Variants in UTP15 observed in about 807,000 individuals in gnomAD.
UTP15 encodes UTP15 small subunit processome component.
Under a neutral mutation model 59.1 loss-of-function variants are expected in UTP15, and 5 were observed. The observed-to-expected ratio is 0.08, with a 90% CI of 0.04 to 0.18. The LOEUF (loss-of-function observed/expected upper bound fraction) is 0.18. UTP15 is among the 10% of genes least tolerant of loss of function. UTP15 has a pLI of 1.00. For missense variants in UTP15, 494 were observed against 616.7 expected, an observed-to-expected ratio of 0.80 and a Z score of 2.11; for synonymous variants, 211 against 212.2, an observed-to-expected ratio of 0.99 and a Z score of 0.05.
At position 73,570,653 on chromosome 5, in the gene UTP15, T is replaced by C. The variant is rs1469153886; in HGVS notation, c.615T>C (p.His205=). The change falls in exon 6 of 13, where the codon CAT becomes CAC. Residue 205 remains histidine, a synonymous_variant. Coordinates refer to ENST00000296792, the MANE Select transcript of UTP15 (RefSeq NM_032175.4). ...GTGAGAGTGTTCTCTCCGTTGAGCA[T>C]GGGCAGCCAGTGGAGAGTGTCCTAC... is the stretch of plus-strand genomic sequence containing the variant. ...RTSESVLSVE[H]GQPVESVLLF... 1.9e-6 allele frequency: 3 copies of C among 1,614,202 alleles called. No individual in the cohort carries two copies. Among genetic ancestry groups the C allele is most frequent in the Non-Finnish European group, 2.5e-6 (3 of 1,180,018 alleles).
chr5:73,568,725 A>C, intron 4 of UTP15, 121 bp downstream of exon 4: 1 of 908,418 alleles, frequency 1.1e-6, no homozygotes, highest in Non-Finnish European at 1.6e-6. Context: ...TATAGGTACT[A>C]TATTTCCTGA....
In UTP15 at chr5:73,568,521, T is replaced by C. The variant is rs1229051805; in HGVS notation, c.285T>C (p.Leu95=). Residue 95 remains leucine, a synonymous_variant, in exon 4 of 13, where the codon CTT becomes CTC. Transcript: ENST00000296792. ...CATFRQDGRL[L]VAGSEDGGVQ... ...CTTTTCGACAAGATGGTAGATTGCT[T>C]GTGGCTGGCAGTGAAGATGGTGGAG... The C allele has an allele frequency of 6.2e-6, 10 of 1,614,010 alleles. No homozygotes were observed. Among genetic ancestry groups the C allele is most frequent in the Middle Eastern group, 3.3e-4 (2 of 6,084 alleles).
intron 7 of UTP15, among the ~76,000 whole-genome samples, chr5:73,575,566 T>TA (rs1421888209): frequency 6.6e-6 from 1 of 151,466 alleles, no homozygotes; most frequent in Non-Finnish European, 1.5e-5. Context: ...TTTTTTTTTT[T>TA]AATTTATTTT....
At position 73,581,737 on chromosome 5, in the gene UTP15, C is replaced by T. The variant is rs1379380780; in HGVS notation, c.*1643C>T. 1 of 141,556 alleles carries T rather than the reference C, an allele frequency of 7.1e-6. No homozygotes were observed. The highest frequency in any genetic ancestry group is 2.5e-5 in the African/African-American group (1 of 40,604). 8.8% of individuals were successfully genotyped at this position (141,556 alleles called of 1,614,324 possible). ...TAAATTAATTTAACATTTAGACTAA[C>T]ATTAACATTTAAATTAATATGTTAA... On this transcript the variant is annotated 3_prime_UTR_variant, in exon 13 of 13. Transcript: ENST00000296792.
intron 4 of UTP15, 87 bp from the exon 5 acceptor site, chr5:73,569,409 TA>T: frequency 9.4e-7 from 1 of 1,062,210 alleles, no homozygotes; most frequent in Non-Finnish European, 1.3e-6. Flanking sequence ...GCTTTTTTTT[TA>T]ATCTGAGAAA....
chr5:73,583,283 A>G lies in UTP15; in HGVS notation c.*3189A>G, dbSNP rs1350993355. ...ATGGGAGGCTGGGAATGCTATGTCT[A>G]GGTCATCAGCGGAGAAAGTTGGTTT... On this transcript the variant is annotated 3_prime_UTR_variant, in exon 13 of 13. Transcript: ENST00000296792. 6.6e-6 allele frequency: 1 copy of G among 152,240 alleles called. No homozygotes were observed. 9.4% of individuals were successfully genotyped at this position (152,240 alleles called of 1,614,324 possible). A position where few individuals can be genotyped will look rare whatever the true frequency, so the allele number is the denominator to read the frequency against.
At chr5:73,571,192 A>T (rs1747921688) in intron 6 of UTP15, among the ~76,000 whole-genome samples, 1 of 151,170 alleles carries the variant, frequency 6.6e-6, no homozygotes, top group African/African-American at 2.4e-5. Flanking sequence ...TAACCCCAGA[A>T]ATTTAGCTCA....
chr5:73,572,315 T>TA (rs1262007270), intron 6 of UTP15, among the ~76,000 whole-genome samples, 174 bp from the exon 7 acceptor site: 1 of 152,194 alleles, frequency 6.6e-6, no homozygotes, highest in East Asian at 1.9e-4. Context: ...TAGGAACTGT[T>TA]ATTACCAATG....
At chr5:73,572,720 C>T (rs768060425) in intron 7 of UTP15, 96 bp downstream of exon 7, 2 of 1,282,372 alleles carry the variant, frequency 1.6e-6, no homozygotes, top group Non-Finnish European at 1.1e-6. Context: ...GATAAGTATA[C>T]AGATAATGAT....
chr5:73,573,829 C>T (rs1274082058), intron 7 of UTP15, among the ~76,000 whole-genome samples: 3 of 151,966 alleles, frequency 2.0e-5, no homozygotes, highest in Non-Finnish European at 4.4e-5. Context: ...TCACCTTGGC[C>T]TCCCAAAGTG....
rs1747961638 is a variant in UTP15, at chr5:73,572,538, A to G, written c.723A>G (p.Leu241=). ...ACATGTTAAAAGGAGGACAATTGCTAGTATCTTTGAAAAATCATCACAAAA... is the reference window on the plus strand; with the variant it reads ...ACATGTTAAAAGGAGGACAATTGCTGGTATCTTTGAAAAATCATCACAAAA... ...VWDMLKGGQL[L]VSLKNHHKTV... is the part of the protein sequence containing the mutation. Residue 241 remains leucine (L), a synonymous_variant, in exon 7 of 13, where the codon CTA becomes CTG. Transcript: ENST00000296792. 6.2e-7 allele frequency: 1 copy of G among 1,614,184 alleles called. No individual in the cohort carries two copies. Among genetic ancestry groups the G allele is most frequent in the Non-Finnish European group, 8.5e-7 (1 of 1,180,008 alleles).
chr5:73,582,382 GTTTGTTTTGT>G lies in UTP15; in HGVS notation c.*2297_*2306del, dbSNP rs1423657665. The G allele has an allele frequency of 6.6e-6, 1 of 152,054 alleles. No individual in the cohort carries two copies. Among genetic ancestry groups the G allele is most frequent in the Non-Finnish European group, 1.5e-5 (1 of 68,028 alleles). 9.4% of individuals were successfully genotyped at this position (152,054 alleles called of 1,614,324 possible). ...TAAATTCAGGAGTACTTTTTTGTTT[GTTTGTTTTGT>G]TTTGTTTTTAGAGACAAGGTCTCTT... On this transcript the variant is annotated 3_prime_UTR_variant, in exon 13 of 13. Transcript: ENST00000296792.
chr5:73,580,167 C>T lies in UTP15; in HGVS notation c.*73C>T. 1 of 1,358,560 alleles carries T rather than the reference C, an allele frequency of 7.4e-7. No individual in the cohort carries two copies. The highest frequency in any genetic ancestry group is 1.0e-6 in the Non-Finnish European group (1 of 982,324). 84.2% of individuals were successfully genotyped at this position (1,358,560 alleles called of 1,614,324 possible). ...GACTGTATTAAATGTTGGCGAGAGA[C>T]TCTCTTTGATACATTAAAAAAACTG... On this transcript the variant is annotated 3_prime_UTR_variant, in exon 13 of 13. Transcript: ENST00000296792.
Position 73,572,593 on chromosome 5 carries a change from G to C in UTP15, c.778G>C (p.Gly260Arg), listed in dbSNP as rs747415778. 21 of 1,613,886 alleles carry C rather than the reference G, an allele frequency of 1.3e-5. No homozygotes were observed. Among genetic ancestry groups the C allele is most frequent in the South Asian group, 3.3e-5 (3 of 91,078 alleles). The change falls in exon 7 of 13, where the codon GGA (glycine) becomes CGA (arginine). Residue 260 changes from glycine (G) to arginine (R), a missense_variant. Coordinates refer to ENST00000296792, the MANE Select transcript of UTP15 (RefSeq NM_032175.4). Reference protein sequence around the residue: ...TVTCLCLSSSGQRLLSGSLDR... With the variant: ...TVTCLCLSSSRQRLLSGSLDR... Reference sequence around the variant, plus strand: ...GACATGTTTATGTCTAAGCAGCTCTGGACAGAGGTTACTCTCTGGCTCACT... The same window carrying C: ...GACATGTTTATGTCTAAGCAGCTCTCGACAGAGGTTACTCTCTGGCTCACT...
At position 73,565,805 on chromosome 5, in the gene UTP15, G is replaced by T. The variant is rs1747735161; in HGVS notation, c.-191G>T. 1 of 456,180 alleles carries T rather than the reference G, an allele frequency of 2.2e-6. No individual in the cohort carries two copies. The highest frequency in any genetic ancestry group is 1.5e-5 in the South Asian group (1 of 64,574). The allele number at this position is 456,180 out of a possible 1,614,324, so 28.3% of individuals were successfully genotyped here. ...TCGCCGGCTCCTTGAGGGTCCATGTGATTTTTACGCCAGTGCTGCTGAACT... is the reference window on the plus strand; with the variant it reads ...TCGCCGGCTCCTTGAGGGTCCATGTTATTTTTACGCCAGTGCTGCTGAACT... On this transcript the variant is annotated 5_prime_UTR_variant, in exon 1 of 13. An upstream open reading frame in the 5' UTR loses its in-frame stop. Coordinates refer to ENST00000296792, the MANE Select transcript of UTP15 (RefSeq NM_032175.4).
At chr5:73,566,724 C>T (rs10515158) in intron 1 of UTP15, among the ~76,000 whole-genome samples, 8,845 of 152,214 alleles carry the variant, frequency 0.058, 908 homozygotes, top group African/African-American at 0.2. Flanking sequence ...AATTTCAGGA[C>T]TGCTTTATTA....
Position 73,567,361 on chromosome 5 carries a change from C to T in UTP15, c.17C>T (p.Pro6Leu). The change falls in exon 2 of 13, where the codon CCT (proline) becomes CTT (leucine). Residue 6 changes from proline (P) to leucine (L), a missense_variant. Transcript: ENST00000296792. ...TATGGAATTATGGCTGGTTATAAGC[C>T]TGTAGCTATTCAGACATATCCTATA... Reference protein sequence around the residue: MAGYKPVAIQTYPILG... With the variant: MAGYKLVAIQTYPILG... 3 of 1,607,014 alleles carry T rather than the reference C, an allele frequency of 1.9e-6. No individual in the cohort carries two copies. The highest frequency in any genetic ancestry group is 2.6e-6 in the Non-Finnish European group (3 of 1,176,410).
At chr5:73,577,081 G>A (rs1354782558) in intron 8 of UTP15, 45 bp downstream of exon 8, 4 of 1,412,460 alleles carry the variant, frequency 2.8e-6, no homozygotes, top group Non-Finnish European at 3.9e-6. Flanking sequence ...AACCCTGCCT[G>A]TTAAATGAAA....
At position 73,572,597 on chromosome 5, in the gene UTP15, A is replaced by G. The variant is rs1747963873; in HGVS notation, c.782A>G (p.Gln261Arg). The change falls in exon 7 of 13, where the codon CAG (glutamine) becomes CGG (arginine). Residue 261 changes from glutamine (Q) to arginine (R), a missense_variant. Physicochemically the swap from Gln to Arg is conservative, Grantham distance 43. Transcript: ENST00000296792. ...VTCLCLSSSG[Q>R]RLLSGSLDRK... is the part of the protein sequence containing the mutation. ...TGTTTATGTCTAAGCAGCTCTGGAC[A>G]GAGGTTACTCTCTGGCTCACTGGAT... 4.3e-6 allele frequency: 7 copies of G among 1,613,962 alleles called. No homozygotes were observed. Among genetic ancestry groups the G allele is most frequent in the Non-Finnish European group, 5.9e-6 (7 of 1,180,014 alleles).
Sources: allele counts gnomAD v4.1 joint callset (sites outside exome capture counted in the v4.1 genomes callset), GRCh38; gene constraint gnomAD v4.1.1; transcripts MANE v1.5; gene names NCBI Gene and HGNC (gene_info 2026-07-23, HGNC 2026-07-21).